Variants in RAF1 observed in about 807,000 individuals in gnomAD.
RAF1 encodes the protein Raf-1 proto-oncogene, serine/threonine kinase.
RAF1 carries 27 observed loss-of-function variants against 81.1 expected under a neutral mutation model. The observed-to-expected ratio is 0.33, with a 90% confidence interval of 0.25 to 0.46. The LOEUF is 0.46. Ranked by LOEUF, RAF1 falls within the 20% of genes least tolerant of loss-of-function variation. The pLI is 1.00. For missense variants in RAF1, 598 were observed against 826.0 expected (o/e 0.72, Z 3.38); for synonymous variants, 298 against 294.0 (o/e 1.01, Z -0.14).
chr3:12,585,489 A>C, intron 15 of RAF1, 192 bp downstream of exon 14: 1 of 953,836 alleles, frequency 1.0e-6, no homozygotes, highest in Non-Finnish European at 1.2e-6. Context: ...ACTCCTCTCC[A>C]CACTAAGCTT....
chr3:12,588,558 A>G (rs192400685), intron 13 of RAF1: 2 of 152,352 alleles, frequency 1.3e-5, no homozygotes, highest in East Asian at 3.9e-4. Flanking sequence ...CTCTAAACAT[A>G]GCCAAACATA....
At chr3:12,625,836 C>G (rs1244081080) in intron 1 of RAF1, among the ~76,000 whole-genome samples, 1 of 152,094 alleles carries the variant, frequency 6.6e-6, no homozygotes, top group African/African-American at 2.4e-5. Flanking sequence ...CACACACACA[C>G]GAGTCATTTT....
In RAF1 at chr3:12,584,413, T is replaced by G; in HGVS notation, c.*101A>C. The G allele has an allele frequency of 6.7e-7, 1 of 1,489,282 alleles. No homozygotes were observed. The highest frequency in any genetic ancestry group is 2.2e-4 in the Middle Eastern group (1 of 4,516). The allele number at this position is 1,489,282 out of a possible 1,614,324, so 92.3% of individuals were successfully genotyped here. ...CTAGAAGGTCCTTAGCAGCAGCTTC[T>G]CTGAAAACATGTGTTCTGCCTCTGG... On this transcript the variant is annotated 3_prime_UTR_variant, in exon 18 of 18. Transcript: ENST00000442415.
chr3:12,585,578 A>G, intron 15 of RAF1, 103 bp downstream of exon 14: 1 of 1,370,536 alleles, frequency 7.3e-7, no homozygotes, highest in Non-Finnish European at 1.0e-6. Context: ...GGTCATGTGG[A>G]TTTCGGGGAA....
intron 6 of RAF1, 96 bp downstream of exon 6, chr3:12,606,105 A>G: frequency 8.3e-6 from 7 of 844,438 alleles, no homozygotes; most frequent in Admixed American, 2.0e-5. Flanking sequence ...CGTAGAGAGG[A>G]GGGAATGCGA....
chr3:12,635,250 C>T (rs1012444532), intron 1 of RAF1, among the ~76,000 whole-genome samples: 1 of 132,652 alleles, frequency 7.5e-6, no homozygotes, highest in African/African-American at 2.8e-5. Flanking sequence ...AACCGGGAGG[C>T]GGAGGTTGCA....
At chr3:12,628,156 G>T (rs1301496441) in intron 1 of RAF1, among the ~76,000 whole-genome samples, 1 of 152,228 alleles carries the variant, frequency 6.6e-6, no homozygotes, top group African/African-American at 2.4e-5. Flanking sequence ...CTACATTCAA[G>T]TTATAAAATG....
intron 3 of RAF1, among the ~76,000 whole-genome samples, chr3:12,609,641 T>TAAA (rs1388949718): frequency 1.3e-5 from 2 of 152,172 alleles, no homozygotes; most frequent in Non-Finnish European, 2.9e-5. Context: ...TCTCTTTATT[T>TAAA]ACTTAAAAAA....
intron 1 of RAF1, among the ~76,000 whole-genome samples, chr3:12,633,572 G>A (rs1033580894): frequency 2.0e-5 from 3 of 150,098 alleles, no homozygotes; most frequent in African/African-American, 7.4e-5. Context: ...ATAGCCTATC[G>A]AATGCCTAAC....
chr3:12,621,867 G>A (rs2059566317), intron 1 of RAF1, among the ~76,000 whole-genome samples: 1 of 152,142 alleles, frequency 6.6e-6, no homozygotes, highest in African/African-American at 2.4e-5. Context: ...TCTACAAAGA[G>A]GGAAATCTAG....
chr3:12,642,874 A>C (rs1420647357), intron 1 of RAF1, among the ~76,000 whole-genome samples: 1 of 151,520 alleles, frequency 6.6e-6, no homozygotes, highest in Non-Finnish European at 1.5e-5. Flanking sequence ...GTGATACAGC[A>C]AGACTCTGTC....
chr3:12,608,082 C>A (rs1345012598), intron 5 of RAF1, among the ~76,000 whole-genome samples: 1 of 151,560 alleles, frequency 6.6e-6, no homozygotes, highest in Admixed American at 6.6e-5. Context: ...AAAACATTTT[C>A]ATCATGGTCT....
chr3:12,615,582 G>A (rs1248630901), intron 2 of RAF1, among the ~76,000 whole-genome samples: 1 of 152,134 alleles, frequency 6.6e-6, no homozygotes, highest in Admixed American at 6.6e-5. Flanking sequence ...CTGCGTGCCT[G>A]GTGAAAGCAG....
intron 1 of RAF1, among the ~76,000 whole-genome samples, chr3:12,653,164 C>G (rs2060587486): frequency 6.7e-6 from 1 of 150,210 alleles, no homozygotes; most frequent in African/African-American, 2.5e-5. Flanking sequence ...GGCCTGTAAT[C>G]CTAGCTACTT....
intron 1 of RAF1, among the ~76,000 whole-genome samples, chr3:12,618,975 G>C (rs968893628): frequency 6.6e-6 from 1 of 152,234 alleles, no homozygotes; most frequent in African/African-American, 2.4e-5. Flanking sequence ...GCGGGGCACG[G>C]TGGCTCACGC....
At chr3:12,639,711 C>T (rs2060128405) in intron 1 of RAF1, among the ~76,000 whole-genome samples, 2 of 151,952 alleles carry the variant, frequency 1.3e-5, no homozygotes, top group African/African-American at 2.4e-5. Flanking sequence ...CACTGCTCAA[C>T]AAAATAAAAG....
chr3:12,636,096 G>A (rs939250622), intron 1 of RAF1, among the ~76,000 whole-genome samples: 5 of 151,920 alleles, frequency 3.3e-5, no homozygotes, highest in Admixed American at 1.3e-4. Context: ...GACCAGCCTG[G>A]CCAGTGTGGT....
rs1203585814 is a variant in RAF1 at position 12,584,274 on chromosome 3, C to CA, written c.*239dup. 1.1e-5 allele frequency: 6 copies of CA among 557,336 alleles called. No individual in the cohort carries two copies. In the East Asian group the frequency reaches 1.5e-4, roughly 14 times the overall value. 34.5% of individuals were successfully genotyped at this position (557,336 alleles called of 1,614,324 possible). A position where few individuals can be genotyped will look rare whatever the true frequency, so the allele number is the denominator to read the frequency against. ...CATCTACAGAAGGCTGGGCCTTGAG[C>CA]ATGGGGAATGTGGGGAGGGAGCAGG... On this transcript the variant is annotated 3_prime_UTR_variant, in exon 18 of 18. Transcript: ENST00000442415.
At chr3:12,622,888 C>A (rs1466834611) in intron 1 of RAF1, among the ~76,000 whole-genome samples, 1 of 152,092 alleles carries the variant, frequency 6.6e-6, no homozygotes, top group Non-Finnish European at 1.5e-5. Context: ...GTCAGCCGGG[C>A]GCAGTTGTTC....
Sources: allele counts gnomAD v4.1 joint callset (sites outside exome capture counted in the v4.1 genomes callset), GRCh38; gene constraint gnomAD v4.1.1; transcripts MANE v1.5; gene names NCBI Gene and HGNC (gene_info 2026-07-23, HGNC 2026-07-21).